The following PAFAH1B1 variants were observed in gnomAD, a reference collection of about 807,000 sequenced individuals.
PAFAH1B1 encodes the protein platelet-activating factor acetylhydrolase IB subunit beta.
A neutral mutation model predicts 57.5 loss-of-function variants in PAFAH1B1; 2 were observed. The ratio of observed to expected loss-of-function variants is 0.03; its 90% confidence interval spans 0.01 to 0.11. The LOEUF (loss-of-function observed/expected upper bound fraction) is 0.11, where lower values mean the gene tolerates loss of function less well. Ranked by LOEUF, PAFAH1B1 falls within the 10% of genes least tolerant of loss-of-function variation. The pLI, the probability that PAFAH1B1 is intolerant of heterozygous loss-of-function variation, is 1.00. For missense variants in PAFAH1B1, 257 were observed against 512.0 expected, an observed-to-expected ratio of 0.50 and a Z score of 4.81; for synonymous variants, 152 against 169.6, an observed-to-expected ratio of 0.90 and a Z score of 0.81.
Position 2,684,176 on chromosome 17 carries a change from C to T in PAFAH1B1, c.*2374C>T, listed in dbSNP as rs1407232544. 6.6e-6 allele frequency: 1 copy of T among 152,624 alleles called. No homozygotes were observed. Among genetic ancestry groups the T allele is most frequent in the Non-Finnish European group, 1.5e-5 (1 of 68,056 alleles). The allele number at this position is 152,624 out of a possible 1,614,324, so 9.5% of individuals were successfully genotyped here. Reference sequence around the variant, plus strand: ...GCGAACATTGAATCTCAGGGATGGCCCACAACTGGGTCCACATGTAATGAG... The same window carrying T: ...GCGAACATTGAATCTCAGGGATGGCTCACAACTGGGTCCACATGTAATGAG... On this transcript the variant is annotated 3_prime_UTR_variant, in exon 11 of 11. Coordinates refer to ENST00000397195, the MANE Select transcript of PAFAH1B1 (RefSeq NM_000430.4).
rs1008041180 is a variant in PAFAH1B1 at position 2,667,699 on chromosome 17, A to T, written c.399+501A>T. Among the ~76,000 whole-genome samples the T allele has an allele frequency of 2.0e-4, 30 of 152,106 alleles. 2 individuals are homozygous for T. The highest frequency in any genetic ancestry group is 6.8e-4 in the African/African-American group (28 of 41,368). Reference sequence around the variant, plus strand: ...AATCTATACTGCAAAAGAATTCAGTAGAGGATTCATTTAAATTGGGCTTTC... The same window carrying T: ...AATCTATACTGCAAAAGAATTCAGTTGAGGATTCATTTAAATTGGGCTTTC... On this transcript the variant is annotated intron_variant, in intron 5 of 10. Transcript: ENST00000397195.
chr17:2,649,105 G>A (rs188369367), intron 2 of PAFAH1B1, among the ~76,000 whole-genome samples: 11 of 150,814 alleles, frequency 7.3e-5, no homozygotes, highest in Admixed American at 6.7e-4. Flanking sequence ...GAGCACTTTG[G>A]GATGTCGAGG....
At position 2,652,352 on chromosome 17, in the gene PAFAH1B1, T is replaced by C. The variant is rs931987834; in HGVS notation, c.33-13020T>C. Among the ~76,000 whole-genome samples the C allele has an allele frequency of 5.3e-5, 8 of 152,186 alleles. No homozygotes were observed. In the South Asian group the frequency reaches 8.3e-4, roughly 16 times the overall value. The stretch of plus-strand genomic sequence containing the variant: ...ATGGCGTGAACCCGGGAGGCGGAGC[T>C]TGCAGTGAGCCAAGATCGCGCCACT... On this transcript the variant is annotated intron_variant, in intron 2 of 10. Coordinates refer to ENST00000397195, the MANE Select transcript of PAFAH1B1 (RefSeq NM_000430.4).
At chr17:2,635,495 C>CT in intron 1 of PAFAH1B1, 1 of 152,096 alleles carries the variant, frequency 6.6e-6, no homozygotes, top group South Asian at 2.1e-4. Context: ...GCCTGAGTAG[C>CT]TGGGACTGAC....
chr17:2,608,027 T>C (rs2068225934), intron 1 of PAFAH1B1, among the ~76,000 whole-genome samples: 1 of 152,206 alleles, frequency 6.6e-6, no homozygotes, highest in African/African-American at 2.4e-5. Context: ...GCATTATTGA[T>C]ATATGTAGAT....
At chr17:2,668,310 C>T (rs1380753990) in intron 5 of PAFAH1B1, among the ~76,000 whole-genome samples, 7 of 148,362 alleles carry the variant, frequency 4.7e-5, no homozygotes, top group South Asian at 4.2e-4. Flanking sequence ...GGCGACAGAG[C>T]GAGACTGTCT....
intron 2 of PAFAH1B1, among the ~76,000 whole-genome samples, chr17:2,654,058 C>T (rs542096623): frequency 1.1e-4 from 16 of 152,250 alleles, no homozygotes; most frequent in African/African-American, 3.4e-4. Context: ...ACACCCGCCT[C>T]GGCCTCCAAA....
intron 1 of PAFAH1B1, among the ~76,000 whole-genome samples, chr17:2,630,151 GT>G (rs1567536474): frequency 6.6e-6 from 1 of 151,934 alleles, no homozygotes; most frequent in South Asian, 2.1e-4. Flanking sequence ...TGTACTTTGG[GT>G]TTTTTTGTTT....
intron 1 of PAFAH1B1, among the ~76,000 whole-genome samples, chr17:2,618,258 A>ATT (rs2068373712): frequency 6.6e-6 from 1 of 152,126 alleles, no homozygotes; most frequent in Non-Finnish European, 1.5e-5. Flanking sequence ...CAAACAAACC[A>ATT]AACTTTCATT....
chr17:2,626,608 G>C (rs569832082), intron 1 of PAFAH1B1, among the ~76,000 whole-genome samples: 1 of 132,524 alleles, frequency 7.5e-6, no homozygotes, highest in African/African-American at 2.9e-5. Flanking sequence ...GAGCTGGAGT[G>C]CAGTGGCGCG....
intron 1 of PAFAH1B1, among the ~76,000 whole-genome samples, chr17:2,602,399 A>T (rs2068154546): frequency 6.6e-6 from 1 of 152,194 alleles, no homozygotes; most frequent in African/African-American, 2.4e-5. Context: ...TTCTTAGAAG[A>T]ATATTACTTT....
At chr17:2,606,648 C>T (rs190126833) in intron 1 of PAFAH1B1, among the ~76,000 whole-genome samples, 11 of 151,904 alleles carry the variant, frequency 7.2e-5, no homozygotes, top group Middle Eastern at 3.4e-3. Flanking sequence ...GCCACCATGC[C>T]TGGCTAAAAT....
chr17:2,648,259 G>A (rs969975258), intron 2 of PAFAH1B1, among the ~76,000 whole-genome samples: 22 of 152,096 alleles, frequency 1.4e-4, no homozygotes, highest in Admixed American at 1.1e-3. Context: ...ACCTTCCACC[G>A]GGTCCCTCCC....
At chr17:2,673,064 G>C (rs144174526) in intron 7 of PAFAH1B1, among the ~76,000 whole-genome samples, 1 of 150,738 alleles carries the variant, frequency 6.6e-6, no homozygotes, top group Admixed American at 6.6e-5. Context: ...GTGAGACTCC[G>C]TCTCAAAAAA....
intron 5 of PAFAH1B1, among the ~76,000 whole-genome samples, chr17:2,668,841 TGGCG>T (rs1271859525): frequency 6.6e-6 from 1 of 151,874 alleles, no homozygotes; most frequent in Non-Finnish European, 1.5e-5. Flanking sequence ...CCGGGAGTGA[TGGCG>T]GGCTCCTGTA....
At chr17:2,680,390 C>A (rs1022098657) in intron 10 of PAFAH1B1, 70 bp downstream of exon 10, 4 of 1,376,906 alleles carry the variant, frequency 2.9e-6, no homozygotes, top group South Asian at 1.2e-5. Flanking sequence ...TTTACATAAT[C>A]GTGTGGACTT....
rs186069162 is a variant in PAFAH1B1 at position 2,684,637 on chromosome 17, G to A, written c.*2835G>A. ...TGCCATGGAGACTGGTTTAGACACC[G>A]CGTGGAGCCTAGTTGCCTGTTGTCA... On this transcript the variant is annotated 3_prime_UTR_variant, in exon 11 of 11. Coordinates refer to ENST00000397195, the MANE Select transcript of PAFAH1B1 (RefSeq NM_000430.4). The A allele has an allele frequency of 6.1e-4, 93 of 152,782 alleles. No individual in the cohort carries two copies. Among genetic ancestry groups the A allele is most frequent in the Non-Finnish European group, 9.4e-4 (64 of 68,060 alleles). 9.5% of individuals were successfully genotyped at this position (152,782 alleles called of 1,614,324 possible). A position where few individuals can be genotyped will look rare whatever the true frequency, so the allele number is the denominator to read the frequency against.
chr17:2,669,538 C>T (rs1050694284), intron 5 of PAFAH1B1, among the ~76,000 whole-genome samples: 9 of 152,148 alleles, frequency 5.9e-5, no homozygotes, highest in African/African-American at 1.4e-4. Flanking sequence ...GGATTACAGG[C>T]GTGAGCCACT....
intron 1 of PAFAH1B1, among the ~76,000 whole-genome samples, chr17:2,625,976 C>A (rs932204383): frequency 6.6e-6 from 1 of 152,024 alleles, no homozygotes; most frequent in East Asian, 1.9e-4. Context: ...AAAAGCCAGG[C>A]GTGGTGGCTC....
Sources: allele counts gnomAD v4.1 joint callset (sites outside exome capture counted in the v4.1 genomes callset), GRCh38; gene constraint gnomAD v4.1.1; transcripts MANE v1.5; gene names NCBI Gene and HGNC (gene_info 2026-07-23, HGNC 2026-07-21).